Variants in HPCAL1 observed in about 807,000 individuals in gnomAD.
HPCAL1 encodes the protein hippocalcin-like protein 1.
A neutral mutation model predicts 17.1 loss-of-function variants in HPCAL1; 8 were observed. That is an observed-to-expected ratio of 0.47 (90% CI 0.27 to 0.84). The LOEUF (loss-of-function observed/expected upper bound fraction) is 0.84, where lower values mean the gene tolerates loss of function less well. HPCAL1 is among the 40% of genes least tolerant of loss of function. The probability of loss-of-function intolerance (pLI) is 0.13; values close to 1 mark genes in which losing one functional copy is unlikely to be tolerated. For missense variants in HPCAL1, 165 were observed against 271.1 expected (o/e 0.61, Z 2.75); for synonymous variants, 112 against 111.4 (o/e 1.01, Z -0.03).
chr2:10,409,342 A>ATCTGGG (rs1364155369), intron 2 of HPCAL1, among the ~76,000 whole-genome samples: 1 of 152,220 alleles, frequency 6.6e-6, no homozygotes, highest in African/African-American at 2.4e-5. Flanking sequence ...GGATGGTCCC[A>ATCTGGG]GATGCATCGG....
At chr2:10,381,781 G>C (rs1419900128) in intron 1 of HPCAL1, among the ~76,000 whole-genome samples, 1 of 152,240 alleles carries the variant, frequency 6.6e-6, no homozygotes, top group Non-Finnish European at 1.5e-5. Flanking sequence ...ATGCGAGGGA[G>C]GATGTGAAGC....
chr2:10,335,159 C>T (rs1435236935), intron 1 of HPCAL1, among the ~76,000 whole-genome samples: 1 of 152,226 alleles, frequency 6.6e-6, no homozygotes, highest in Non-Finnish European at 1.5e-5. Flanking sequence ...AATCCCTTCC[C>T]TCGGGTGTTG....
Position 10,426,902 on chromosome 2 carries a change from C to A in HPCAL1, c.*81C>A, listed in dbSNP as rs924192365. On this transcript the variant is annotated 3_prime_UTR_variant, in exon 5 of 5. Coordinates refer to ENST00000307845, the MANE Select transcript of HPCAL1 (RefSeq NM_002149.4). ...TTTGCTTGCAAGAGTGGATGCCCCGCAATCGTTCCTGCTCTCCCGGGCCCC... is the reference window on the plus strand; with the variant it reads ...TTTGCTTGCAAGAGTGGATGCCCCGAAATCGTTCCTGCTCTCCCGGGCCCC... 12 of 1,322,930 alleles carry A rather than the reference C, an allele frequency of 9.1e-6. No individual in the cohort carries two copies. In the African/African-American group the frequency reaches 1.3e-4, roughly 14 times the overall value. The allele number at this position is 1,322,930 out of a possible 1,614,324, so 81.9% of individuals were successfully genotyped here. A position where few individuals can be genotyped will look rare whatever the true frequency, so the allele number is the denominator to read the frequency against.
At chr2:10,315,728 C>T (rs577920008) in intron 1 of HPCAL1, among the ~76,000 whole-genome samples, 1 of 152,162 alleles carries the variant, frequency 6.6e-6, no homozygotes, top group Non-Finnish European at 1.5e-5. Context: ...ACATTCAGTC[C>T]ACGTGCGGTG....
intron 1 of HPCAL1, among the ~76,000 whole-genome samples, chr2:10,340,961 T>C (rs1421802863): frequency 1.3e-5 from 2 of 152,190 alleles, no homozygotes; most frequent in Admixed American, 6.5e-5. Context: ...CCCTTCCTCA[T>C]AGAATATCAT....
At chr2:10,321,784 C>T (rs763003249) in intron 1 of HPCAL1, among the ~76,000 whole-genome samples, 1 of 152,176 alleles carries the variant, frequency 6.6e-6, no homozygotes, top group South Asian at 2.1e-4. Context: ...GCCAATGCTG[C>T]GTGTGTATCT....
chr2:10,333,647 A>G (rs1165155997), intron 1 of HPCAL1, among the ~76,000 whole-genome samples: 5 of 152,174 alleles, frequency 3.3e-5, no homozygotes, highest in Non-Finnish European at 5.9e-5. Flanking sequence ...TTTTTGAAGA[A>G]AGTTTTTATT....
At chr2:10,318,444 A>G (rs769293595) in intron 1 of HPCAL1, among the ~76,000 whole-genome samples, 1 of 152,194 alleles carries the variant, frequency 6.6e-6, no homozygotes, top group Non-Finnish European at 1.5e-5. Flanking sequence ...CCGGTGCCGG[A>G]CAGCCTGTTT....
chr2:10,322,778 G>A (rs773168619), intron 1 of HPCAL1, among the ~76,000 whole-genome samples: 7 of 152,234 alleles, frequency 4.6e-5, no homozygotes, highest in African/African-American at 7.2e-5. Flanking sequence ...GCTACCGCCT[G>A]AACCTTGGAT....
intron 2 of HPCAL1, among the ~76,000 whole-genome samples, chr2:10,398,172 G>A (rs1026488742): frequency 2.6e-5 from 4 of 152,150 alleles, no homozygotes; most frequent in Non-Finnish European, 5.9e-5. Context: ...ATAGGCTCCC[G>A]GGGGGACACC....
rs538281589 is a variant in HPCAL1 at position 10,307,900 on chromosome 2, A to G, written c.-111+4723A>G. ...GTCTTCTGCCTCCCCAACCCCACCA[A>G]ACCTTGGTTTGTTCTCTTAACGCAG... On this transcript the variant is annotated intron_variant, in intron 1 of 4. Coordinates refer to ENST00000307845, the MANE Select transcript of HPCAL1 (RefSeq NM_002149.4). Among the ~76,000 whole-genome samples, 27 of 152,204 alleles carry G rather than the reference A, an allele frequency of 1.8e-4. No homozygotes were observed. The South Asian group carries it at 5.6e-3, about 32-fold the overall frequency.
chr2:10,404,547 A>T lies in HPCAL1; in HGVS notation c.-25+7627A>T, dbSNP rs1669857882. ...GTCAGCAGCCACAGACTCCCCAGAG[A>T]CGGAGATGAGAGGAGGGACCTCATG... On this transcript the variant is annotated intron_variant, in intron 2 of 4. Transcript: ENST00000307845. Among the ~76,000 whole-genome samples, 3 of 152,142 alleles carry T rather than the reference A, an allele frequency of 2.0e-5. No homozygotes were observed. In the South Asian group the frequency reaches 6.2e-4, roughly 31 times the overall value.
intron 1 of HPCAL1, among the ~76,000 whole-genome samples, chr2:10,309,966 C>G (rs908320288): frequency 1.3e-5 from 2 of 152,172 alleles, no homozygotes; most frequent in Non-Finnish European, 2.9e-5. Flanking sequence ...ATTCTTGAAT[C>G]GGAGTATTAG....
At chr2:10,396,675 TG>T (rs1297189465) in intron 1 of HPCAL1, among the ~76,000 whole-genome samples, 159 bp from the exon 2 acceptor site, 1 of 152,208 alleles carries the variant, frequency 6.6e-6, no homozygotes, top group African/African-American at 2.4e-5. Context: ...CTGTCCATGG[TG>T]GCTGGCCGGA....
At position 10,327,369 on chromosome 2, in the gene HPCAL1, T is replaced by C. The variant is rs557670304; in HGVS notation, c.-111+24192T>C. On this transcript the variant is annotated intron_variant, in intron 1 of 4. Transcript: ENST00000307845. ...TGCAGGAAGGATCATACCAGTGACT[T>C]CTTTTGAGCCCCCTGCCGAGTGGCT... Among the ~76,000 whole-genome samples, 17 of 152,250 alleles carry C rather than the reference T, an allele frequency of 1.1e-4. 2 individuals are homozygous for C. The South Asian group carries it at 1.9e-3, about 17-fold the overall frequency.
intron 1 of HPCAL1, among the ~76,000 whole-genome samples, chr2:10,375,183 GC>G (rs1667477302): frequency 6.6e-6 from 1 of 152,256 alleles, no homozygotes. Flanking sequence ...AGTGTGCCCT[GC>G]CCCAGCAGGC....
chr2:10,397,824 G>A (rs1669158420), intron 2 of HPCAL1, among the ~76,000 whole-genome samples: 1 of 152,212 alleles, frequency 6.6e-6, no homozygotes. Flanking sequence ...AGCGTTGAGG[G>A]TTTGGTTTTG....
At chr2:10,338,720 G>A (rs532804143) in intron 1 of HPCAL1, among the ~76,000 whole-genome samples, 18 of 152,278 alleles carry the variant, frequency 1.2e-4, no homozygotes, top group South Asian at 8.3e-4. Context: ...GGTGCAGGTC[G>A]GAGAGCTCAC....
In HPCAL1 at chr2:10,330,258, A is replaced by T. The variant is rs932824885; in HGVS notation, c.-111+27081A>T. 1.3e-5 allele frequency: 2 copies of T among 152,208 alleles called. No homozygotes were observed. Among genetic ancestry groups the T allele is most frequent in the African/African-American group, 4.8e-5 (2 of 41,436 alleles). The allele number at this position is 152,208 out of a possible 1,614,324, so 9.4% of individuals were successfully genotyped here. A position where few individuals can be genotyped will look rare whatever the true frequency, so the allele number is the denominator to read the frequency against. ...CAGTCTAGATGCTTCTGACATGGAC[A>T]AAAGGAGAATTCCTGACTTTTTGGT... On this transcript the variant is annotated intron_variant, in intron 1 of 4. Transcript: ENST00000307845. This position sits in a 1 kb window ranked among gnomAD's most constrained non-coding sequence, Gnocchi z 4.2.
Sources: allele counts gnomAD v4.1 joint callset (sites outside exome capture counted in the v4.1 genomes callset), GRCh38; gene constraint gnomAD v4.1.1; non-coding constraint Gnocchi (gnomAD v3.1); transcripts MANE v1.5; gene names NCBI Gene and HGNC (gene_info 2026-07-23, HGNC 2026-07-21).